KCNH5: variants seen among roughly 807,000 people sequenced by gnomAD.
KCNH5 encodes voltage-gated delayed rectifier potassium channel KCNH5.
Under a neutral mutation model 96.1 loss-of-function variants are expected in KCNH5, and 46 were observed. That is an observed-to-expected ratio of 0.48 (90% CI 0.38 to 0.61). The LOEUF (loss-of-function observed/expected upper bound fraction) is 0.61. KCNH5 is among the 20% of genes least tolerant of loss of function. The pLI, the probability that KCNH5 is intolerant of heterozygous loss-of-function variation, is 0.00. For synonymous variants in KCNH5, 439 were observed against 449.8 expected (o/e 0.98, Z 0.30); for missense variants, 907 against 1,225.8 (o/e 0.74, Z 3.88).
At chr14:62,762,601 G>A (rs551497258) in intron 10 of KCNH5, among the ~76,000 whole-genome samples, 5 of 151,906 alleles carry the variant, frequency 3.3e-5, no homozygotes, top group East Asian at 1.9e-4. Flanking sequence ...CCTTCCCATC[G>A]TCACCCCACC....
At chr14:62,970,004 C>T (rs1217049779) in intron 6 of KCNH5, among the ~76,000 whole-genome samples, 4 of 129,404 alleles carry the variant, frequency 3.1e-5, no homozygotes, top group East Asian at 2.1e-4. Context: ...CGCCACTGCA[C>T]TCCAGCTTGG....
chr14:62,912,404 A>C (rs1254902312), intron 7 of KCNH5, among the ~76,000 whole-genome samples: 1 of 149,594 alleles, frequency 6.7e-6, no homozygotes, highest in Non-Finnish European at 1.5e-5. Context: ...TTCCTTCTAT[A>C]TCTTGATTTT....
Position 62,971,256 on chromosome 14 carries a change from T to C in KCNH5, c.942+9616A>G, listed in dbSNP as rs77870479. 9.6e-3 allele frequency among the ~76,000 whole-genome samples: 1,462 copies of C among 152,184 alleles called. 17 individuals carry two copies. The highest frequency in any genetic ancestry group is 0.034 in the African/African-American group (1,397 of 41,554). On this transcript the variant is annotated intron_variant, in intron 6 of 10. Transcript: ENST00000322893. ...TGGAATTTGAAATAAAAAACCATAA[T>C]GCCATTTACTTTAGCCCTCCCCAAA...
chr14:62,787,455 C>T lies in KCNH5; in HGVS notation c.1823-7531G>A, dbSNP rs188407925. ...CATCTCCACAACATAAAAATGCAAG[C>T]TGAAACACAAGTACTGATGTAGAAG... On this transcript the variant is annotated intron_variant, in intron 9 of 10. Coordinates refer to ENST00000322893, the MANE Select transcript of KCNH5 (RefSeq NM_139318.5). 1.4e-3 allele frequency among the ~76,000 whole-genome samples: 212 copies of T among 152,238 alleles called. 1 individual carries two copies. Among genetic ancestry groups the T allele is most frequent in the African/African-American group, 4.9e-3 (203 of 41,552 alleles).
At chr14:62,982,127 G>A (rs1018087232) in intron 5 of KCNH5, among the ~76,000 whole-genome samples, 6 of 152,120 alleles carry the variant, frequency 3.9e-5, no homozygotes, top group South Asian at 2.1e-4. Flanking sequence ...TCAGGAGATC[G>A]AGACCATCCT....
chr14:62,830,271 C>G (rs1302468756), intron 8 of KCNH5, among the ~76,000 whole-genome samples: 1 of 152,178 alleles, frequency 6.6e-6, no homozygotes, highest in African/African-American at 2.4e-5. Flanking sequence ...CTGAGCCCTC[C>G]AACTATTCCA....
intron 7 of KCNH5, among the ~76,000 whole-genome samples, chr14:62,936,168 A>G (rs1889676266): frequency 6.6e-6 from 1 of 152,200 alleles, no homozygotes; most frequent in Non-Finnish European, 1.5e-5. Context: ...CATTTTCAAT[A>G]GGGAGTAAAT....
At chr14:62,748,640 G>A (rs1372385667) in intron 10 of KCNH5, among the ~76,000 whole-genome samples, 1 of 152,132 alleles carries the variant, frequency 6.6e-6, no homozygotes, top group Non-Finnish European at 1.5e-5. Context: ...TCTTCAGGCT[G>A]AATAGGGGTG....
intron 9 of KCNH5, among the ~76,000 whole-genome samples, chr14:62,780,454 TAGTCAACCTTATAC>T (rs1886186600): frequency 1.3e-5 from 2 of 151,926 alleles, no homozygotes. Flanking sequence ...CCTCTCTACC[TAGTCAACCTTATAC>T]AGGTTCTCGG....
chr14:62,780,048 C>T (rs1046840291), intron 9 of KCNH5, 124 bp from the exon 10 acceptor site: 2 of 592,678 alleles, frequency 3.4e-6, no homozygotes, highest in Non-Finnish European at 5.5e-6. Flanking sequence ...GGTATAACCA[C>T]ATCTATAAAC....
intron 7 of KCNH5, among the ~76,000 whole-genome samples, chr14:62,901,237 T>A (rs1405353214): frequency 6.6e-6 from 1 of 152,182 alleles, no homozygotes; most frequent in Non-Finnish European, 1.5e-5. Context: ...TTTGGGTTTT[T>A]TTCAACTTTA....
intron 10 of KCNH5, among the ~76,000 whole-genome samples, chr14:62,744,284 G>C (rs1885331300): frequency 6.6e-6 from 1 of 152,070 alleles, no homozygotes; most frequent in Non-Finnish European, 1.5e-5. Context: ...TAACTCCTCA[G>C]GTTCTTGGAT....
At chr14:62,980,023 A>AACATCG (rs1466810488) in intron 6 of KCNH5, among the ~76,000 whole-genome samples, 1 of 152,154 alleles carries the variant, frequency 6.6e-6, no homozygotes, top group African/African-American at 2.4e-5. Flanking sequence ...TGTTCCCGTG[A>AACATCG]CAGTGAGGGA....
chr14:62,865,622 G>A (rs1566687021), intron 7 of KCNH5, among the ~76,000 whole-genome samples: 1 of 152,158 alleles, frequency 6.6e-6, no homozygotes, highest in African/African-American at 2.4e-5. Flanking sequence ...GCGCTGTCTT[G>A]GCACTCTGCA....
chr14:62,992,025 A>G (rs1481667009), intron 4 of KCNH5, among the ~76,000 whole-genome samples: 3 of 151,884 alleles, frequency 2.0e-5, no homozygotes, highest in Non-Finnish European at 2.9e-5. Context: ...TCCACTCTCT[A>G]CATCCATGTG....
At chr14:63,012,142 AGC>A (rs1891241199) in intron 2 of KCNH5, among the ~76,000 whole-genome samples, 1 of 152,226 alleles carries the variant, frequency 6.6e-6, no homozygotes, top group Admixed American at 6.5e-5. Flanking sequence ...CAAATGTCAG[AGC>A]TTCTACAGGT....
intron 8 of KCNH5, among the ~76,000 whole-genome samples, chr14:62,816,440 C>G (rs1886980503): frequency 6.6e-6 from 1 of 151,938 alleles, no homozygotes; most frequent in African/African-American, 2.4e-5. Context: ...TATGCTGACA[C>G]TTAACAAAGC....
intron 7 of KCNH5, among the ~76,000 whole-genome samples, chr14:62,914,609 A>T (rs956472837): frequency 6.6e-6 from 1 of 152,324 alleles, no homozygotes; most frequent in East Asian, 1.9e-4. Context: ...ACATGTATAC[A>T]AAGCATATTA....
At chr14:62,850,754 G>T (rs1032835947) in intron 7 of KCNH5, among the ~76,000 whole-genome samples, 1 of 152,038 alleles carries the variant, frequency 6.6e-6, no homozygotes, top group Non-Finnish European at 1.5e-5. Context: ...CACACTACCC[G>T]CAACTTCCCT....
Sources: gnomAD v4.1 joint callset for allele counts (sites outside exome capture counted in the v4.1 genomes callset) on GRCh38, gnomAD v4.1.1 for gene constraint, MANE v1.5 for transcripts, NCBI Gene and HGNC (gene_info 2026-07-23, HGNC 2026-07-21) for gene names.